Variants in CTNND2 observed in about 807,000 individuals in gnomAD.
CTNND2 encodes the protein catenin delta 2, also known as catenin delta-2.
A neutral mutation model predicts 144.4 loss-of-function variants in CTNND2; 22 were observed. That is an observed-to-expected ratio of 0.15 (90% CI 0.11 to 0.22). The LOEUF (loss-of-function observed/expected upper bound fraction) is 0.22, where lower values mean the gene tolerates loss of function less well. CTNND2 is among the 10% of genes least tolerant of loss of function. CTNND2 has a pLI of 1.00. For missense variants in CTNND2, 1,353 were observed against 1,618.8 expected (o/e 0.84, Z 2.82); for synonymous variants, 751 against 695.6 (o/e 1.08, Z -1.25).
intron 10 of CTNND2, among the ~76,000 whole-genome samples, chr5:11,203,613 G>A (rs1432925931): frequency 1.1e-4 from 17 of 152,116 alleles, no homozygotes; most frequent in Non-Finnish European, 5.9e-5. Context: ...AGGCTCAAGC[G>A]ATTTATCCGC....
intron 18 of CTNND2, among the ~76,000 whole-genome samples, chr5:11,013,080 G>A (rs1741256077): frequency 1.3e-5 from 2 of 152,146 alleles, no homozygotes; most frequent in South Asian, 4.1e-4. Context: ...CCCTTAAGCA[G>A]GTCATAAAAC....
At chr5:11,166,623 G>A (rs1759365742) in intron 11 of CTNND2, among the ~76,000 whole-genome samples, 1 of 151,924 alleles carries the variant, frequency 6.6e-6, no homozygotes, top group South Asian at 2.1e-4. Context: ...GGGTATAAAG[G>A]GGCTGTCACC....
At chr5:11,349,217 T>C (rs1755093704) in intron 8 of CTNND2, among the ~76,000 whole-genome samples, 1 of 152,210 alleles carries the variant, frequency 6.6e-6, no homozygotes, top group African/African-American at 2.4e-5. Context: ...ATTATTACCA[T>C]TAATGATGTT....
chr5:11,472,721 A>T (rs746473144), intron 3 of CTNND2, among the ~76,000 whole-genome samples: 7 of 152,214 alleles, frequency 4.6e-5, no homozygotes, highest in Non-Finnish European at 8.8e-5. Context: ...GCATTGTTAG[A>T]ACTGATATTG....
intron 12 of CTNND2, among the ~76,000 whole-genome samples, chr5:11,132,573 G>A (rs551039815): frequency 6.6e-6 from 1 of 152,276 alleles, no homozygotes; most frequent in East Asian, 1.9e-4. Context: ...AAGGCACCCT[G>A]ATCTTAGACT....
chr5:11,642,339 G>A (rs1001120433), intron 2 of CTNND2, among the ~76,000 whole-genome samples: 2 of 152,098 alleles, frequency 1.3e-5, no homozygotes, highest in African/African-American at 4.8e-5. Context: ...TATTTTGTTG[G>A]AAGATGGCAA....
At chr5:11,251,830 G>A (rs1743687913) in intron 9 of CTNND2, among the ~76,000 whole-genome samples, 1 of 152,148 alleles carries the variant, frequency 6.6e-6, no homozygotes, top group African/African-American at 2.4e-5. Flanking sequence ...CTTGTAGTTT[G>A]GGAAAATAGA....
At position 11,193,180 on chromosome 5, in the gene CTNND2, GAGA is replaced by G. The variant is rs549032247; in HGVS notation, c.1975+6265_1975+6267del. On this transcript the variant is annotated intron_variant, in intron 11 of 21. Coordinates refer to ENST00000304623, the MANE Select transcript of CTNND2 (RefSeq NM_001332.4). ...GAGACTGTGCAGAATAAAAAATTGG[GAGA>G]AGATGATTTTTACACATCAGCTAAC... Among the ~76,000 whole-genome samples, 442 of 152,298 alleles carry G rather than the reference GAGA, an allele frequency of 2.9e-3. 4 individuals are homozygous for G. Among genetic ancestry groups the G allele is most frequent in the African/African-American group, 0.01 (420 of 41,556 alleles).
chr5:11,523,445 T>C (rs992244173), intron 3 of CTNND2, among the ~76,000 whole-genome samples: 1 of 152,200 alleles, frequency 6.6e-6, no homozygotes, highest in African/African-American at 2.4e-5. Flanking sequence ...CCTAAATTCC[T>C]GCACTCAGAA....
intron 5 of CTNND2, among the ~76,000 whole-genome samples, chr5:11,405,513 T>C (rs539730362): frequency 1.9e-4 from 29 of 150,772 alleles, no homozygotes; most frequent in Non-Finnish European, 3.1e-4. Context: ...ACCCAGGAGA[T>C]AGACGTTGCA....
chr5:11,116,091 C>T (rs140937182), intron 13 of CTNND2, among the ~76,000 whole-genome samples: 3 of 152,316 alleles, frequency 2.0e-5, no homozygotes, highest in African/African-American at 7.2e-5. Context: ...TTTAAAGGTA[C>T]ACAAACTTGT....
At chr5:11,864,710 C>A (rs960340402) in intron 1 of CTNND2, among the ~76,000 whole-genome samples, 1 of 152,018 alleles carries the variant, frequency 6.6e-6, no homozygotes, top group Non-Finnish European at 1.5e-5. Context: ...GACTTTACAG[C>A]CTAACTTAAG....
chr5:11,585,772 T>C (rs1292885428), intron 2 of CTNND2, among the ~76,000 whole-genome samples: 3 of 144,588 alleles, frequency 2.1e-5, no homozygotes, highest in Admixed American at 2.0e-4. Context: ...AACAGCGTCA[T>C]TGACAAGGTG....
At chr5:11,887,975 C>G (rs1736678921) in intron 1 of CTNND2, among the ~76,000 whole-genome samples, 1 of 152,070 alleles carries the variant, frequency 6.6e-6, no homozygotes, top group South Asian at 2.1e-4. Context: ...TTAATTGACA[C>G]TTTTTATGAA....
intron 16 of CTNND2, among the ~76,000 whole-genome samples, chr5:11,048,941 C>T (rs188720426): frequency 6.6e-6 from 1 of 152,326 alleles, no homozygotes; most frequent in East Asian, 1.9e-4. Flanking sequence ...GCAGGACAGA[C>T]AGCAGCAGCT....
intron 2 of CTNND2, among the ~76,000 whole-genome samples, chr5:11,619,609 T>C (rs935445245): frequency 2.6e-5 from 4 of 152,164 alleles, no homozygotes; most frequent in African/African-American, 9.7e-5. Flanking sequence ...TTGTAATAAA[T>C]ATATTTTAAA....
chr5:11,081,653 C>CAACAACATGG (rs1477433211), intron 16 of CTNND2, among the ~76,000 whole-genome samples: 7 of 152,194 alleles, frequency 4.6e-5, no homozygotes, highest in Non-Finnish European at 8.8e-5. Flanking sequence ...CTTTGTGTCC[C>CAACAACATGG]ATGAATGTCT....
intron 7 of CTNND2, among the ~76,000 whole-genome samples, chr5:11,380,301 T>C (rs572363707): frequency 6.6e-5 from 10 of 152,328 alleles, no homozygotes; most frequent in Non-Finnish European, 1.5e-4. Flanking sequence ...GAAGCAAAGA[T>C]GGATGTCTTC....
At chr5:11,207,026 T>C (rs1436105088) in intron 10 of CTNND2, among the ~76,000 whole-genome samples, 4 of 152,200 alleles carry the variant, frequency 2.6e-5, no homozygotes, top group Non-Finnish European at 5.9e-5. Flanking sequence ...GAATACATGC[T>C]ACATATATAC....
Sources: gnomAD v4.1 joint callset for allele counts (sites outside exome capture counted in the v4.1 genomes callset) on GRCh38, gnomAD v4.1.1 for gene constraint, MANE v1.5 for transcripts, NCBI Gene and HGNC (gene_info 2026-07-23, HGNC 2026-07-21) for gene names.